RPS29: variants seen among roughly 807,000 people sequenced by gnomAD.
The protein encoded by RPS29 is small ribosomal subunit protein uS14.
For missense variants in RPS29, 60 were observed against 75.7 expected (o/e 0.79, Z 0.77); for synonymous variants, 37 against 26.9 (o/e 1.37, Z -1.16).
At chr14:49,578,840 T>C (rs929648841), downstream of RPS29, among the ~76,000 whole-genome samples, 1 of 152,206 alleles carries the variant, frequency 6.6e-6, no homozygotes, top group Non-Finnish European at 1.5e-5. Context: ...ATTACAGGCA[T>C]GAGCCACCCC....
intron 1 of RPS29, among the ~76,000 whole-genome samples, chr14:49,595,741 G>A (rs1338839942): frequency 2.6e-5 from 4 of 152,180 alleles, no homozygotes; most frequent in Non-Finnish European, 5.9e-5. Flanking sequence ...GGCAGGGCGC[G>A]GTGGCTCACG....
chr14:49,578,160 GAATT>G (rs897440967), intron 2 of RPS29, among the ~76,000 whole-genome samples: 4 of 151,724 alleles, frequency 2.6e-5, no homozygotes, highest in African/African-American at 7.3e-5. Context: ...GGACAACACA[GAATT>G]AATATCAATG....
At chr14:49,574,952 T>C (rs1566474614) in exon 3 of RPS29, 1 of 152,276 alleles carries the variant, frequency 6.6e-6, no homozygotes, top group East Asian at 1.9e-4. Context: ...CCATTTGAGG[T>C]CCACACCAGC....
At chr14:49,588,493 C>T (rs1414396045), upstream of RPS29, among the ~76,000 whole-genome samples, 3 of 151,960 alleles carry the variant, frequency 2.0e-5, no homozygotes, top group Non-Finnish European at 4.4e-5. Context: ...CATTTTAACT[C>T]GGTGTTTATC....
chr14:49,586,149 C>G, intron 1 of RPS29, 100 bp from the exon 2 acceptor site: 1 of 1,398,200 alleles, frequency 7.2e-7, no homozygotes, highest in South Asian at 1.2e-5. Context: ...AGCCACAGTA[C>G]AGGCCTGTAA....
At chr14:49,572,126 T>C (rs1407751309) in exon 3 of RPS29, 1 of 152,156 alleles carries the variant, frequency 6.6e-6, no homozygotes, top group African/African-American at 2.4e-5. Context: ...AATTTTTGTA[T>C]TTTTAGTAGA....
At chr14:49,591,031 G>C (rs1364489699), upstream of RPS29, among the ~76,000 whole-genome samples, 1 of 151,934 alleles carries the variant, frequency 6.6e-6, no homozygotes, top group East Asian at 1.9e-4. Flanking sequence ...CTTCAAAAAA[G>C]CCCAGTTGTT....
chr14:49,594,747 G>A (rs1176073688), intron 1 of RPS29, among the ~76,000 whole-genome samples: 3 of 152,198 alleles, frequency 2.0e-5, no homozygotes, highest in Non-Finnish European at 4.4e-5. Flanking sequence ...TGCACAGTTG[G>A]CAGGTTTCAG....
At chr14:49,575,035 A>T (rs1232730519) in exon 3 of RPS29, 2 of 152,318 alleles carry the variant, frequency 1.3e-5, no homozygotes, top group Non-Finnish European at 2.9e-5. Flanking sequence ...GCAGTCAGGG[A>T]TCTCTTTCTT....
chr14:49,580,080 T>C (rs1272531946), downstream of RPS29, among the ~76,000 whole-genome samples: 4 of 151,898 alleles, frequency 2.6e-5, no homozygotes, highest in Non-Finnish European at 5.9e-5. Flanking sequence ...GTCTAGGGAG[T>C]GTTTCCCTTC....
chr14:49,586,406 A>C (rs931992491), upstream of RPS29: 5 of 1,474,366 alleles, frequency 3.4e-6, no homozygotes, highest in South Asian at 5.7e-5. Context: ...TGCGCTCTTC[A>C]AATTTTTGAG....
In RPS29 at chr14:49,586,065, C is replaced by T. The variant is rs1320393253; in HGVS notation, c.63-16G>A. On this transcript the variant is annotated splice_polypyrimidine_tract_variant and intron_variant, in intron 1 of 2. Coordinates refer to ENST00000245458, the MANE Select transcript of RPS29 (RefSeq NM_001032.5). Reference sequence around the variant, plus strand: ...ACAGACACGACTGTAAGAAAAGAGACAGCGGTTTTGCAGGTCATAGAAATT... The same window carrying T: ...ACAGACACGACTGTAAGAAAAGAGATAGCGGTTTTGCAGGTCATAGAAATT... 6.2e-7 allele frequency: 1 copy of T among 1,608,710 alleles called. No homozygotes were observed. The highest frequency in any genetic ancestry group is 8.5e-7 in the Non-Finnish European group (1 of 1,175,542).
At chr14:49,593,796 A>G (rs1304455925) in intron 1 of RPS29, among the ~76,000 whole-genome samples, 4 of 151,784 alleles carry the variant, frequency 2.6e-5, no homozygotes, top group African/African-American at 9.7e-5. Context: ...GAAAAAACAG[A>G]GGCTGTCCTG....
chr14:49,582,763 C>T (rs1158805971), downstream of RPS29, among the ~76,000 whole-genome samples: 3 of 152,156 alleles, frequency 2.0e-5, no homozygotes, highest in African/African-American at 4.8e-5. Flanking sequence ...CAGATGACAA[C>T]GTGTCAAATC....
intron 1 of RPS29, among the ~76,000 whole-genome samples, chr14:49,596,906 T>C (rs954182948): frequency 6.7e-6 from 1 of 148,548 alleles, no homozygotes; most frequent in African/African-American, 2.5e-5. Flanking sequence ...GCCCAACTAA[T>C]TTTTTCTTCT....
chr14:49,575,559 T>C (rs1392770336), exon 3 of RPS29: 1 of 152,210 alleles, frequency 6.6e-6, no homozygotes, highest in African/African-American at 2.4e-5. Flanking sequence ...CTCTAAATTA[T>C]TTTCTGGCTG....
At chr14:49,586,432 T>A (rs953561804), upstream of RPS29, 2 of 1,224,028 alleles carry the variant, frequency 1.6e-6, no homozygotes, top group African/African-American at 1.5e-5. Flanking sequence ...TTACCCAGAA[T>A]GCAGTGCTCA....
intron 2 of RPS29, among the ~76,000 whole-genome samples, chr14:49,584,713 G>A (rs1881458224): frequency 6.6e-6 from 1 of 151,348 alleles, no homozygotes; most frequent in South Asian, 2.1e-4. Flanking sequence ...AGTGAGCTGA[G>A]ATCACGCCAC....
downstream of RPS29, among the ~76,000 whole-genome samples, chr14:49,581,973 TG>T (rs1881347814): frequency 7.4e-6 from 1 of 135,162 alleles, no homozygotes; most frequent in African/African-American, 2.9e-5. Context: ...AGTGCGCCAC[TG>T]CACTCCAGCT....
Sources: gnomAD v4.1 joint callset for allele counts (sites outside exome capture counted in the v4.1 genomes callset) on GRCh38, gnomAD v4.1.1 for gene constraint, MANE v1.5 for transcripts, NCBI Gene and HGNC (gene_info 2026-07-23, HGNC 2026-07-21) for gene names.